GRM2: variants seen among roughly 807,000 people sequenced by gnomAD.
GRM2 encodes the protein metabotropic glutamate receptor 2.
GRM2 carries 35 observed loss-of-function variants against 60.4 expected under a neutral mutation model. The observed-to-expected ratio is 0.58, with a 90% CI of 0.44 to 0.77. The LOEUF (loss-of-function observed/expected upper bound fraction) is 0.77, where lower values mean the gene tolerates loss of function less well. Ranked by LOEUF, GRM2 falls within the 30% of genes least tolerant of loss-of-function variation. The pLI, the probability that GRM2 is intolerant of heterozygous loss-of-function variation, is 0.00. For missense variants in GRM2, 925 were observed against 1,199.5 expected (o/e 0.77, Z 3.38); for synonymous variants, 437 against 484.1 (o/e 0.90, Z 1.28).
Position 51,713,126 on chromosome 3 carries a change from G to A in GRM2, c.1104G>A (p.Arg368=). The stretch of plus-strand genomic sequence containing the variant: ...GAGACTGCGCAGCCCACTCTCTCCG[G>A]GCTGTGCCCTTTGAGCAGGAGTCCA... ...RQRDCAAHSL[R]AVPFEQESKI... Residue 368 remains arginine (R), a synonymous_variant, in exon 3 of 6, where the codon CGG becomes CGA. Transcript: ENST00000395052. The surrounding 1 kb of genome is among the most constrained non-coding windows in gnomAD (Gnocchi z 4.8). 6.2e-7 allele frequency: 1 copy of A among 1,613,148 alleles called. No homozygotes were observed. Among genetic ancestry groups the A allele is most frequent in the South Asian group, 1.1e-5 (1 of 91,092 alleles).
rs749536463 is a variant in GRM2, at chr3:51,715,106, C to T, written c.1333C>T (p.Arg445Cys). ...ADTHNEVRFDRFGDGIGRYNI... is the reference protein window; with the variant it reads ...ADTHNEVRFDCFGDGIGRYNI... The stretch of plus-strand genomic sequence containing the variant: ...CACCCACAATGAGGTCCGCTTTGAC[C>T]GCTTTGGTGATGGTATTGGCCGCTA... Residue 445 changes from arginine (R) to cysteine (C), a missense_variant, in exon 4 of 6, where the codon CGC (arginine) becomes TGC (cysteine). Arg to Cys is a radical substitution (Grantham distance 180, BLOSUM62 -3). Transcript: ENST00000395052. This position sits in a 1 kb window ranked among gnomAD's most constrained non-coding sequence, Gnocchi z 9.0. 8 of 1,590,764 alleles carry T rather than the reference C, an allele frequency of 5.0e-6. No individual in the cohort carries two copies. The highest frequency in any genetic ancestry group is 4.6e-5 in the South Asian group (4 of 87,234).
chr3:51,708,752 G>A, intron 1 of GRM2, 96 bp from the exon 2 acceptor site: 1 of 496,312 alleles, frequency 2.0e-6, no homozygotes, highest in Non-Finnish European at 3.6e-6. Context: ...TGAGTACCTA[G>A]GAAAGGGGCT....
At chr3:51,709,907 C>T (rs1343226007) in intron 2 of GRM2, among the ~76,000 whole-genome samples, 1 of 144,908 alleles carries the variant, frequency 6.9e-6, no homozygotes, top group African/African-American at 2.6e-5. Context: ...AGGTCTCCCA[C>T]TTACTAACTG....
chr3:51,713,154 A>T lies in GRM2; in HGVS notation c.1132A>T (p.Ile378Phe). 6.2e-7 allele frequency: 1 copy of T among 1,613,168 alleles called. No homozygotes were observed. The highest frequency in any genetic ancestry group is 8.5e-7 in the Non-Finnish European group (1 of 1,180,044). ...RAVPFEQESKIMFVVNAVYAM... is the reference protein window; with the variant it reads ...RAVPFEQESKFMFVVNAVYAM... The stretch of plus-strand genomic sequence containing the variant: ...TGTGCCCTTTGAGCAGGAGTCCAAG[A>T]TCATGTTTGTGGTCAATGCAGTGTA... The change falls in exon 3 of 6, where the codon ATC becomes TTC. Residue 378 changes from isoleucine to phenylalanine, a missense_variant. Transcript: ENST00000395052. The surrounding 1 kb of genome is among the most constrained non-coding windows in gnomAD (Gnocchi z 4.8).
intron 2 of GRM2, among the ~76,000 whole-genome samples, chr3:51,710,436 C>T (rs1288750430): frequency 6.6e-6 from 1 of 152,088 alleles, no homozygotes; most frequent in Admixed American, 6.5e-5. Flanking sequence ...GATGAGGAAA[C>T]GAAGGCTCAG....
rs192408235 is a variant in GRM2, at chr3:51,716,644, G to A, written c.2364+507G>A. On this transcript the variant is annotated intron_variant, in intron 4 of 5. Coordinates refer to ENST00000395052, the MANE Select transcript of GRM2 (RefSeq NM_000839.5). This position sits in a 1 kb window ranked among gnomAD's most constrained non-coding sequence, Gnocchi z 4.0. Reference sequence around the variant, plus strand: ...CAATGGGTCTCCCCAGCTCCAAGGGGCAATGGCTGCTTCAGATAGGGTGGT... The same window carrying A: ...CAATGGGTCTCCCCAGCTCCAAGGGACAATGGCTGCTTCAGATAGGGTGGT... 8.3e-3 allele frequency among the ~76,000 whole-genome samples: 1,259 copies of A among 152,296 alleles called. 6 individuals are homozygous for A. Among genetic ancestry groups the A allele is most frequent in the Non-Finnish European group, 0.013 (915 of 68,032 alleles).
intron 1 of GRM2, chr3:51,708,571 C>A: frequency 5.9e-6 from 1 of 170,450 alleles, no homozygotes; most frequent in Non-Finnish European, 1.3e-5. Context: ...CTGGGGTCTC[C>A]TGTCCTCTGC....
chr3:51,709,042 G>A lies in GRM2; in HGVS notation c.59G>A (p.Gly20Asp). 5 of 1,602,040 alleles carry A rather than the reference G, an allele frequency of 3.1e-6. No individual in the cohort carries two copies. Among genetic ancestry groups the A allele is most frequent in the Non-Finnish European group, 4.3e-6 (5 of 1,170,956 alleles). Reference sequence around the variant, plus strand: ...CTGCTGTGGGGTGCTGTGGCTGAGGGCCCAGCCAAGAAGGTGCTGACCCTG... The same window carrying A: ...CTGCTGTGGGGTGCTGTGGCTGAGGACCCAGCCAAGAAGGTGCTGACCCTG... ...LLLLWGAVAE[G>D]PAKKVLTLEG... Residue 20 changes from glycine to aspartate, a missense_variant, in exon 2 of 6, where the codon GGC (glycine) becomes GAC (aspartate). Transcript: ENST00000395052.
rs748444458 is a variant in GRM2, at chr3:51,718,466, C to G, written c.*354C>G. ...AGGTGCTTCCAGCCCAGCCCCTCCC[C>G]CCAACTAGGGCCTTTTTTATTTTTT... On this transcript the variant is annotated 3_prime_UTR_variant, in exon 6 of 6. Coordinates refer to ENST00000395052, the MANE Select transcript of GRM2 (RefSeq NM_000839.5). This position sits in a 1 kb window ranked among gnomAD's most constrained non-coding sequence, Gnocchi z 4.2. 2 of 261,518 alleles carry G rather than the reference C, an allele frequency of 7.6e-6. No homozygotes were observed. The highest frequency in any genetic ancestry group is 1.5e-5 in the Non-Finnish European group (2 of 137,538). 16.2% of individuals were successfully genotyped at this position (261,518 alleles called of 1,614,324 possible).
chr3:51,712,528 G>T lies in GRM2; in HGVS notation c.506G>T (p.Ser169Ile). 6.2e-7 allele frequency: 1 copy of T among 1,614,150 alleles called. No individual in the cohort carries two copies. Among genetic ancestry groups the T allele is most frequent in the East Asian group, 2.2e-5 (1 of 44,888 alleles). The change falls in exon 3 of 6, where the codon AGT (serine) becomes ATT (isoleucine). Residue 169 changes from serine to isoleucine, a missense_variant. Ser to Ile is a moderately radical substitution (Grantham distance 142). Coordinates refer to ENST00000395052, the MANE Select transcript of GRM2 (RefSeq NM_000839.5). This position sits in a 1 kb window ranked among gnomAD's most constrained non-coding sequence, Gnocchi z 5.3. The part of the protein sequence containing the change: ...QIPQISYAST[S>I]AKLSDKSRYD... ...CCACAGATTAGCTACGCCTCTACCAGTGCCAAGCTGAGTGACAAGTCCCGC... is the reference window on the plus strand; with the variant it reads ...CCACAGATTAGCTACGCCTCTACCATTGCCAAGCTGAGTGACAAGTCCCGC...
chr3:51,712,467 C>T lies in GRM2; in HGVS notation c.451-6C>T, dbSNP rs1363253198. ...CTGATCTTTGCCTTCTCTACTCCTCCCCCAGGTGGCCAACCTCTTGAGGCT... is the reference window on the plus strand; with the variant it reads ...CTGATCTTTGCCTTCTCTACTCCTCTCCCAGGTGGCCAACCTCTTGAGGCT... On this transcript the variant is annotated splice_polypyrimidine_tract_variant and splice_region_variant and intron_variant, in intron 2 of 5. Transcript: ENST00000395052. The surrounding 1 kb of genome is among the most constrained non-coding windows in gnomAD (Gnocchi z 5.3). 1 of 1,597,590 alleles carries T rather than the reference C, an allele frequency of 6.3e-7. No homozygotes were observed. The highest frequency in any genetic ancestry group is 1.7e-5 in the Admixed American group (1 of 59,838).
At position 51,713,388 on chromosome 3, in the gene GRM2, T is replaced by G. The variant is rs1325467608; in HGVS notation, c.1288+78T>G. 9.8e-7 allele frequency: 1 copy of G among 1,019,380 alleles called. No homozygotes were observed. The highest frequency in any genetic ancestry group is 1.5e-6 in the Non-Finnish European group (1 of 688,980). 63.1% of individuals were successfully genotyped at this position (1,019,380 alleles called of 1,614,324 possible). On this transcript the variant is annotated intron_variant, in intron 3 of 5. Transcript: ENST00000395052. This position sits in a 1 kb window ranked among gnomAD's most constrained non-coding sequence, Gnocchi z 4.8. Reference sequence around the variant, plus strand: ...GAAGCAGAACTTCAGCTTCCATTCCTTTGCTAAGGAAACAGTAGAGTGAAA... The same window carrying G: ...GAAGCAGAACTTCAGCTTCCATTCCGTTGCTAAGGAAACAGTAGAGTGAAA...
In GRM2 at chr3:51,708,995, G is replaced by T. The variant is rs1181839410; in HGVS notation, c.12G>T (p.Leu4=). 3.2e-6 allele frequency: 5 copies of T among 1,579,426 alleles called. No individual in the cohort carries two copies. In the East Asian group the frequency reaches 1.1e-4, roughly 36 times the overall value. The change falls in exon 2 of 6, where the codon CTG becomes CTT. Residue 4 remains leucine, a synonymous_variant. Transcript: ENST00000395052. ...TCCCCTTTGGGGCCATGGGATCGCT[G>T]CTTGCGCTCCTGGCACTGCTGCTGC... is the stretch of plus-strand genomic sequence containing the variant. MGS[L]LALLALLLLW...
chr3:51,713,008 C>T lies in GRM2; in HGVS notation c.986C>T (p.Ser329Phe), dbSNP rs547069813. The T allele has an allele frequency of 3.7e-6, 6 of 1,613,374 alleles. No homozygotes were observed. Among genetic ancestry groups the T allele is most frequent in the Non-Finnish European group, 5.1e-6 (6 of 1,180,044 alleles). The change falls in exon 3 of 6, where the codon TCC (serine) becomes TTC (phenylalanine). Residue 329 changes from serine (S) to phenylalanine (F), a missense_variant. By Grantham distance (155) the Ser-to-Phe change is radical (BLOSUM62 -2). Coordinates refer to ENST00000395052, the MANE Select transcript of GRM2 (RefSeq NM_000839.5). The surrounding 1 kb of genome is among the most constrained non-coding windows in gnomAD (Gnocchi z 4.8). ...TCCTACCCCATCAGTGACTTTGCCTCCTACTTCCAGAGCCTGGACCCTTGG... is the reference window on the plus strand; with the variant it reads ...TCCTACCCCATCAGTGACTTTGCCTTCTACTTCCAGAGCCTGGACCCTTGG... ...LASYPISDFA[S>F]YFQSLDPWNN...
rs1443863184 is a variant in GRM2, at chr3:51,715,018, AAC to A, written c.1289-39_1289-38del. The A allele has an allele frequency of 8.1e-7, 1 of 1,239,236 alleles. No individual in the cohort carries two copies. Among genetic ancestry groups the A allele is most frequent in the Non-Finnish European group, 1.1e-6 (1 of 874,592 alleles). The allele number at this position is 1,239,236 out of a possible 1,614,324, so 76.8% of individuals were successfully genotyped here. A position where few individuals can be genotyped will look rare whatever the true frequency, so the allele number is the denominator to read the frequency against. On this transcript the variant is annotated intron_variant, in intron 3 of 5. Transcript: ENST00000395052. This position sits in a 1 kb window ranked among gnomAD's most constrained non-coding sequence, Gnocchi z 9.0. Reference sequence around the variant, plus strand: ...GTGAATGTTGAGGTCACATCAGGGTAACACACTAGTCCAACCTTCTCTTCCTT... The same window carrying A: ...GTGAATGTTGAGGTCACATCAGGGTAACACTAGTCCAACCTTCTCTTCCTT...
chr3:51,715,081 C>A lies in GRM2; in HGVS notation c.1308C>A (p.Asp436Glu). The stretch of plus-strand genomic sequence containing the variant: ...TCCTAGCCCCCTTTCGCCCAGCTGA[C>A]ACCCACAATGAGGTCCGCTTTGACC... ...VKFDAPFRPADTHNEVRFDRF... is the reference protein window; with the variant it reads ...VKFDAPFRPAETHNEVRFDRF... Residue 436 changes from aspartate to glutamate, a missense_variant, in exon 4 of 6, where the codon GAC becomes GAA. Physicochemically the swap from Asp to Glu is conservative, Grantham distance 45. Coordinates refer to ENST00000395052, the MANE Select transcript of GRM2 (RefSeq NM_000839.5). This position sits in a 1 kb window ranked among gnomAD's most constrained non-coding sequence, Gnocchi z 9.0. The A allele has an allele frequency of 6.4e-7, 1 of 1,557,702 alleles. No individual in the cohort carries two copies. Among genetic ancestry groups the A allele is most frequent in the Non-Finnish European group, 8.7e-7 (1 of 1,147,720 alleles).
chr3:51,715,963 C>A lies in GRM2; in HGVS notation c.2190C>A (p.Gly730=). 1 of 1,614,162 alleles carries A rather than the reference C, an allele frequency of 6.2e-7. No individual in the cohort carries two copies. Among genetic ancestry groups the A allele is most frequent in the East Asian group, 2.2e-5 (1 of 44,888 alleles). The change falls in exon 4 of 6, where the codon GGC becomes GGA. Residue 730 remains glycine (G), a synonymous_variant. Coordinates refer to ENST00000395052, the MANE Select transcript of GRM2 (RefSeq NM_000839.5). The surrounding 1 kb of genome is among the most constrained non-coding windows in gnomAD (Gnocchi z 9.0). ...RCNHRDASML[G]SLAYNVLLIA... ...ACCACCGCGATGCAAGTATGTTGGG[C>A]TCGCTGGCCTACAATGTGCTCCTCA...
rs758921825 is a variant in GRM2 at position 51,717,723 on chromosome 3, C to T, written c.2451C>T (p.Ile817=). The T allele has an allele frequency of 6.2e-7, 1 of 1,614,152 alleles. No individual in the cohort carries two copies. Among genetic ancestry groups the T allele is most frequent in the Admixed American group, 1.7e-5 (1 of 60,032 alleles). Residue 817 remains isoleucine (I), a synonymous_variant, in exon 5 of 6, where the codon ATC becomes ATT. Coordinates refer to ENST00000395052, the MANE Select transcript of GRM2 (RefSeq NM_000839.5). This position sits in a 1 kb window ranked among gnomAD's most constrained non-coding sequence, Gnocchi z 6.0. ...GCLFAPKLHI[I]LFQPQKNVVS... is the part of the protein sequence containing the mutation. The stretch of plus-strand genomic sequence containing the variant: ...TCTTTGCGCCCAAGCTGCACATCAT[C>T]CTCTTCCAGCCGCAGAAGAACGTGG...
chr3:51,708,784 G>C (rs538349594), intron 1 of GRM2, 64 bp from the exon 2 acceptor site: 2 of 514,972 alleles, frequency 3.9e-6, no homozygotes, highest in South Asian at 6.8e-5. Context: ...AGAGTCAGAA[G>C]GGGCAGCTGC....
Sources: allele counts gnomAD v4.1 joint callset (sites outside exome capture counted in the v4.1 genomes callset), GRCh38; gene constraint gnomAD v4.1.1; non-coding constraint Gnocchi (gnomAD v3.1); transcripts MANE v1.5; gene names NCBI Gene and HGNC (gene_info 2026-07-23, HGNC 2026-07-21).